CTNNA3: variants seen among roughly 807,000 people sequenced by gnomAD.
CTNNA3 encodes the protein catenin alpha-3.
Under a neutral mutation model 95.7 loss-of-function variants are expected in CTNNA3, and 76 were observed. The ratio of observed to expected loss-of-function variants is 0.79; its 90% CI spans 0.66 to 0.96. The LOEUF is 0.96. Among genes scored for constraint, CTNNA3 ranks in the 40% least tolerant of loss-of-function variants. The pLI, the probability that CTNNA3 is intolerant of heterozygous loss-of-function variation, is 0.00. For missense variants in CTNNA3, 1,191 were observed against 1,089.8 expected, an observed-to-expected ratio of 1.09 and a Z score of -1.31; for synonymous variants, 431 against 374.4, an observed-to-expected ratio of 1.15 and a Z score of -1.74.
intron 5 of CTNNA3, among the ~76,000 whole-genome samples, chr10:67,256,789 C>T (rs764240624): frequency 1.3e-5 from 2 of 152,024 alleles, no homozygotes; most frequent in African/African-American, 4.8e-5. Context: ...AGGGAGGTAG[C>T]ACAGCAATAC....
In CTNNA3 at chr10:66,526,932, G is replaced by A. The variant is rs190867380; in HGVS notation, c.1375-6159C>T. Among the ~76,000 whole-genome samples the A allele has an allele frequency of 3.0e-3, 456 of 152,200 alleles. 4 individuals carry two copies. The highest frequency in any genetic ancestry group is 0.01 in the African/African-American group (419 of 41,542). On this transcript the variant is annotated intron_variant, in intron 10 of 17. Coordinates refer to ENST00000433211, the MANE Select transcript of CTNNA3 (RefSeq NM_013266.4). ...TGCTAATGTCCTCTGATATACAGAA[G>A]TTTTAAATTTTGATGAAGTCCAATT... is the stretch of plus-strand genomic sequence containing the variant.
chr10:66,341,185 CT>C (rs1160716076), intron 12 of CTNNA3, among the ~76,000 whole-genome samples: 1 of 151,894 alleles, frequency 6.6e-6, no homozygotes, highest in Non-Finnish European at 1.5e-5. Context: ...AAACCAGTCT[CT>C]TTTCAAGAAA....
intron 5 of CTNNA3, among the ~76,000 whole-genome samples, chr10:67,453,069 C>T (rs978564092): frequency 1.3e-5 from 2 of 152,012 alleles, no homozygotes; most frequent in African/African-American, 4.8e-5. Context: ...CAGATAGAGA[C>T]GGAGGCAGCC....
chr10:66,942,270 TA>T (rs943555360), intron 7 of CTNNA3, among the ~76,000 whole-genome samples: 1 of 152,164 alleles, frequency 6.6e-6, no homozygotes. Flanking sequence ...CTGCAATATA[TA>T]AAAAATGATT....
rs574135252 is a variant in CTNNA3 at position 66,292,244 on chromosome 10, G to A, written c.1733-11623C>T. On this transcript the variant is annotated intron_variant, in intron 12 of 17. Transcript: ENST00000433211. ...ATCAATCACTATGTCCTGCTGATTCGGCCTCTCAAATATGTTTCTGGCACA... is the reference window on the plus strand; with the variant it reads ...ATCAATCACTATGTCCTGCTGATTCAGCCTCTCAAATATGTTTCTGGCACA... 2.1e-3 allele frequency among the ~76,000 whole-genome samples: 312 copies of A among 151,714 alleles called. 2 individuals carry two copies. The highest frequency in any genetic ancestry group is 7.1e-3 in the African/African-American group (292 of 41,358).
At chr10:66,757,812 A>G (rs1297128422) in intron 9 of CTNNA3, among the ~76,000 whole-genome samples, 1 of 152,194 alleles carries the variant, frequency 6.6e-6, no homozygotes, top group Non-Finnish European at 1.5e-5. Flanking sequence ...TGGCATTGAT[A>G]GAACTGAGCT....
rs60709020 is a variant in CTNNA3 at position 66,331,342 on chromosome 10, GTTTTT to G, written c.1732+47805_1732+47809del. 3.7e-3 allele frequency among the ~76,000 whole-genome samples: 296 copies of G among 80,328 alleles called. 30 individuals carry two copies. Among genetic ancestry groups the G allele is most frequent in the African/African-American group, 6.4e-3 (135 of 21,180 alleles). The allele number at this position is 80,328 out of a possible 152,430, so 52.7% of individuals were successfully genotyped here. On this transcript the variant is annotated intron_variant, in intron 12 of 17. Transcript: ENST00000433211. ...ATATGGACTCCTTTCCCCATTGTTT[GTTTTT>G]TTTTTTTTTTTTTTTTTTTTTTTTG...
chr10:66,006,009 CTTTTTT>C (rs11415177), intron 15 of CTNNA3, among the ~76,000 whole-genome samples: 8 of 116,028 alleles, frequency 6.9e-5, no homozygotes, highest in African/African-American at 2.4e-4. Flanking sequence ...CAAGGAAAGC[CTTTTTT>C]TTTTTTTTTT....
At chr10:66,711,258 C>CAAAAAAAAAAAAAAAAAA (rs56013857) in intron 9 of CTNNA3, among the ~76,000 whole-genome samples, 5 of 118,102 alleles carry the variant, frequency 4.2e-5, no homozygotes, top group African/African-American at 6.4e-5. Context: ...GAACAAGAAA[C>CAAAAAAAAAAAAAAAAAA]AAAAAAAAAA....
At chr10:67,230,291 C>T (rs866340302) in intron 5 of CTNNA3, among the ~76,000 whole-genome samples, 1 of 152,144 alleles carries the variant, frequency 6.6e-6, no homozygotes, top group African/African-American at 2.4e-5. Context: ...GAAACTGAAT[C>T]CTCATCTCTC....
chr10:66,722,521 T>C (rs1027214390), intron 9 of CTNNA3, among the ~76,000 whole-genome samples: 2 of 151,930 alleles, frequency 1.3e-5, no homozygotes, highest in Non-Finnish European at 2.9e-5. Context: ...ACTGGGAGAC[T>C]CAGGCCAAAT....
intron 6 of CTNNA3, among the ~76,000 whole-genome samples, chr10:67,196,382 C>T (rs1199978403): frequency 6.6e-6 from 1 of 151,846 alleles, no homozygotes; most frequent in African/African-American, 2.4e-5. Flanking sequence ...TCAAAGAGTA[C>T]ATAACTTGCA....
intron 7 of CTNNA3, among the ~76,000 whole-genome samples, chr10:67,101,851 C>G (rs563373739): frequency 2.2e-4 from 34 of 151,742 alleles, no homozygotes; most frequent in Admixed American, 2.2e-3. Flanking sequence ...TCAAACTAAA[C>G]ACTCAAAATA....
chr10:66,943,236 G>A (rs1434457622), intron 7 of CTNNA3, among the ~76,000 whole-genome samples: 2 of 152,188 alleles, frequency 1.3e-5, no homozygotes, highest in Admixed American at 6.5e-5. Flanking sequence ...CACAAGATCT[G>A]TGAAATGATA....
intron 7 of CTNNA3, among the ~76,000 whole-genome samples, chr10:67,028,240 TTTG>T (rs1330984749): frequency 1.3e-5 from 2 of 152,152 alleles, no homozygotes; most frequent in Non-Finnish European, 2.9e-5. Flanking sequence ...TCATTGTTTG[TTTG>T]TTGTTGTTGT....
chr10:67,294,858 CT>C (rs1315876585), intron 5 of CTNNA3, among the ~76,000 whole-genome samples: 1 of 152,122 alleles, frequency 6.6e-6, no homozygotes, highest in African/African-American at 2.4e-5. Context: ...ATTTACAGCC[CT>C]AATTTTTGTT....
chr10:67,110,816 T>C (rs572750990), intron 7 of CTNNA3, among the ~76,000 whole-genome samples: 4 of 152,266 alleles, frequency 2.6e-5, no homozygotes, highest in South Asian at 2.1e-4. Flanking sequence ...ATATCTGTTA[T>C]AATTTTTAAA....
At chr10:67,425,954 G>A (rs1378268610) in intron 5 of CTNNA3, among the ~76,000 whole-genome samples, 1 of 152,088 alleles carries the variant, frequency 6.6e-6, no homozygotes, top group Non-Finnish European at 1.5e-5. Context: ...TAGAGACCTT[G>A]GCTTATTTGA....
intron 5 of CTNNA3, among the ~76,000 whole-genome samples, chr10:67,310,356 A>C (rs1840739328): frequency 6.6e-6 from 1 of 152,182 alleles, no homozygotes; most frequent in Admixed American, 6.5e-5. Context: ...AAGGAAAGTA[A>C]ACAGCACTAA....
Sources: allele counts gnomAD v4.1 joint callset (sites outside exome capture counted in the v4.1 genomes callset), GRCh38; gene constraint gnomAD v4.1.1; transcripts MANE v1.5; gene names NCBI Gene and HGNC (gene_info 2026-07-23, HGNC 2026-07-21).